The following STK32C variants were observed in gnomAD, a reference collection of about 807,000 sequenced individuals.
The protein encoded by STK32C is serine/threonine-protein kinase 32C.
In STK32C, 31 loss-of-function variants were observed where a neutral mutation model predicts 56.5. The ratio of observed to expected loss-of-function variants is 0.55; its 90% CI spans 0.41 to 0.74. STK32C has a LOEUF of 0.74. STK32C is among the 30% of genes least tolerant of loss of function. STK32C has a pLI of 0.00. For synonymous variants in STK32C, 309 were observed against 289.4 expected, an observed-to-expected ratio of 1.07 and a Z score of -0.69; for missense variants, 544 against 676.9, an observed-to-expected ratio of 0.80 and a Z score of 2.18.
At chr10:132,245,983 G>T in intron 1 of STK32C, 28 bp from the exon 2 acceptor site, 1 of 1,612,114 alleles carries the variant, frequency 6.2e-7, no homozygotes, top group South Asian at 1.1e-5. Flanking sequence ...GGGACACCTG[G>T]TGAGGTGGCA....
At chr10:132,259,634 A>G (rs771074232) in intron 1 of STK32C, among the ~76,000 whole-genome samples, 1 of 152,188 alleles carries the variant, frequency 6.6e-6, no homozygotes, top group Non-Finnish European at 1.5e-5. Context: ...TTGGCCTTCC[A>G]CCATGACTGT....
At chr10:132,324,678 T>C (rs2066464107) in intron 1 of STK32C, among the ~76,000 whole-genome samples, 1 of 152,252 alleles carries the variant, frequency 6.6e-6, no homozygotes, top group Non-Finnish European at 1.5e-5. Context: ...TCAAGCTCTG[T>C]CAAATACTTA....
chr10:132,275,680 C>A (rs1251645565), intron 1 of STK32C, among the ~76,000 whole-genome samples: 1 of 152,216 alleles, frequency 6.6e-6, no homozygotes, highest in Non-Finnish European at 1.5e-5. Context: ...CATCATGCCG[C>A]AGGGATGAGG....
At chr10:132,233,875 C>T (rs2063182731) in intron 2 of STK32C, among the ~76,000 whole-genome samples, 2 of 152,242 alleles carry the variant, frequency 1.3e-5, no homozygotes, top group Admixed American at 6.5e-5. Flanking sequence ...GCCCCTTCGG[C>T]AACAGCTGCC....
At chr10:132,310,585 G>A (rs1311115519), upstream of STK32C, among the ~76,000 whole-genome samples, 1 of 152,192 alleles carries the variant, frequency 6.6e-6, no homozygotes, top group Non-Finnish European at 1.5e-5. This position sits in a 1 kb window ranked among gnomAD's most constrained non-coding sequence, Gnocchi z 4.6. Context: ...AGCTGTGGAT[G>A]GGAAGGGGCA....
At chr10:132,294,099 C>G (rs1186688238) in intron 1 of STK32C, among the ~76,000 whole-genome samples, 1 of 152,178 alleles carries the variant, frequency 6.6e-6, no homozygotes, top group Non-Finnish European at 1.5e-5. Context: ...ATGTGGGAAA[C>G]AGGTCCCAGC....
intron 10 of STK32C, among the ~76,000 whole-genome samples, chr10:132,211,483 T>C (rs984111005): frequency 3.3e-5 from 5 of 152,166 alleles, no homozygotes; most frequent in Non-Finnish European, 7.4e-5. Context: ...TCCAGAACCA[T>C]CTGGAAGGGG....
In STK32C at chr10:132,250,637, C is replaced by T. The variant is rs1047440008; in HGVS notation, c.263-4682G>A. On this transcript the variant is annotated intron_variant, in intron 1 of 11. Transcript: ENST00000298630. ...CCGAGGCAGGTGGGTGTGAGGTGCC[C>T]GGGACAGGTCACTGCAGAGAGGGGC... is the stretch of plus-strand genomic sequence containing the variant. 8.0e-5 allele frequency among the ~76,000 whole-genome samples: 12 copies of T among 149,852 alleles called. No individual in the cohort carries two copies. In the South Asian group the frequency reaches 1.1e-3, roughly 13 times the overall value.
chr10:132,330,722 C>T (rs531502839), intron 1 of STK32C, among the ~76,000 whole-genome samples: 8 of 145,402 alleles, frequency 5.5e-5, no homozygotes, highest in African/African-American at 2.0e-4. Flanking sequence ...GTTGCCCAGG[C>T]TGGTCTCCAA....
intron 1 of STK32C, among the ~76,000 whole-genome samples, chr10:132,267,850 T>C (rs371228758): frequency 1.5e-4 from 17 of 114,832 alleles, no homozygotes; most frequent in South Asian, 2.8e-4. Flanking sequence ...CATGCATGTG[T>C]ATGCAGGTTC....
chr10:132,331,139 C>T (rs2066698611), intron 1 of STK32C, among the ~76,000 whole-genome samples: 3 of 134,912 alleles, frequency 2.2e-5, no homozygotes, highest in South Asian at 2.4e-4. Context: ...AGGCGGAGGT[C>T]GCAGTGGGCC....
chr10:132,217,020 GCT>G (rs2062493840), intron 10 of STK32C, among the ~76,000 whole-genome samples: 1 of 151,422 alleles, frequency 6.6e-6, no homozygotes, highest in African/African-American at 2.4e-5. Flanking sequence ...GCCTAGTGGA[GCT>G]CTGAGAAGAG....
chr10:132,314,446 G>A (rs1277947752), intron 1 of STK32C, among the ~76,000 whole-genome samples: 3 of 152,082 alleles, frequency 2.0e-5, no homozygotes, highest in Non-Finnish European at 2.9e-5. Flanking sequence ...ATCACCAGGA[G>A]AAGATGAAAA....
At chr10:132,222,557 G>A (rs1203527793) in intron 10 of STK32C, 84 bp downstream of exon 10, 25 of 1,540,294 alleles carry the variant, frequency 1.6e-5, no homozygotes, top group Non-Finnish European at 2.1e-5. Context: ...GCGCTGCCAG[G>A]GGTCCCCACA....
chr10:132,325,415 T>C (rs1033742047), intron 1 of STK32C, among the ~76,000 whole-genome samples: 5 of 151,698 alleles, frequency 3.3e-5, no homozygotes, highest in African/African-American at 1.2e-4. Flanking sequence ...TAGCCAGGCG[T>C]GGTGGCGGGT....
intron 2 of STK32C, among the ~76,000 whole-genome samples, chr10:132,239,719 G>A (rs1196640127): frequency 3.3e-5 from 5 of 152,236 alleles, no homozygotes; most frequent in Non-Finnish European, 5.9e-5. Flanking sequence ...GCTGGACATC[G>A]TCAACTTTTA....
intron 1 of STK32C, among the ~76,000 whole-genome samples, chr10:132,272,750 A>G (rs922211583): frequency 2.6e-5 from 4 of 152,096 alleles, no homozygotes; most frequent in African/African-American, 9.7e-5. Context: ...GTCCTTTTGA[A>G]ACAAACATGT....
chr10:132,322,109 A>G (rs540531702), downstream of STK32C, among the ~76,000 whole-genome samples: 2 of 152,192 alleles, frequency 1.3e-5, no homozygotes, highest in South Asian at 4.2e-4. Context: ...TGAGTGTAAG[A>G]CTCACTCATC....
chr10:132,328,782 C>T (rs1396401422), intron 1 of STK32C, among the ~76,000 whole-genome samples: 1 of 152,238 alleles, frequency 6.6e-6, no homozygotes, highest in African/African-American at 2.4e-5. Flanking sequence ...TGTGAAAAAA[C>T]ATACAACTTC....
Sources: gnomAD v4.1 joint callset for allele counts (sites outside exome capture counted in the v4.1 genomes callset) on GRCh38, gnomAD v4.1.1 for gene constraint, Gnocchi (gnomAD v3.1) non-coding constraint, MANE v1.5 for transcripts, NCBI Gene and HGNC (gene_info 2026-07-23, HGNC 2026-07-21) for gene names.